The following DPY19L4 variants were observed in gnomAD, a reference collection of about 807,000 sequenced individuals.
DPY19L4 encodes probable C-mannosyltransferase DPY19L4.
A neutral mutation model predicts 102.8 loss-of-function variants in DPY19L4; 97 were observed. The ratio of observed to expected loss-of-function variants is 0.94; its 90% CI spans 0.80 to 1.12. The LOEUF is 1.12. DPY19L4 is among the 50% of genes most tolerant of loss of function. DPY19L4 has a pLI of 0.00. For missense variants in DPY19L4, 815 were observed against 850.4 expected (o/e 0.96, Z 0.52); for synonymous variants, 252 against 283.1 (o/e 0.89, Z 1.10).
chr8:94,719,906 G>T lies in DPY19L4; in HGVS notation c.-93G>T. ...AAGTGGGGGCGCGGCGGCCAGGAGC[G>T]GGCCCCCGGAGGCCGAGGGGTTCGG... is the stretch of plus-strand genomic sequence containing the variant. On this transcript the variant is annotated 5_prime_UTR_variant, in exon 1 of 19. Transcript: ENST00000414645. 6 of 1,391,164 alleles carry T rather than the reference G, an allele frequency of 4.3e-6. No individual in the cohort carries two copies. Among genetic ancestry groups the T allele is most frequent in the Non-Finnish European group, 4.7e-6 (5 of 1,064,120 alleles). The allele number at this position is 1,391,164 out of a possible 1,614,324, so 86.2% of individuals were successfully genotyped here.
At chr8:94,765,349 G>T in intron 9 of DPY19L4, 35 bp downstream of exon 9, 1 of 1,567,320 alleles carries the variant, frequency 6.4e-7, no homozygotes, top group South Asian at 1.2e-5. Flanking sequence ...TTCTTATTTT[G>T]ATTTTTTTTT....
At chr8:94,759,711 C>T (rs1464654201) in intron 7 of DPY19L4, among the ~76,000 whole-genome samples, 1 of 151,664 alleles carries the variant, frequency 6.6e-6, no homozygotes, top group African/African-American at 2.4e-5. Context: ...TCTCCATGGT[C>T]AGGCTGGTCT....
chr8:94,750,993 C>T (rs1241890977), intron 6 of DPY19L4, among the ~76,000 whole-genome samples: 1 of 151,892 alleles, frequency 6.6e-6, no homozygotes, highest in African/African-American at 2.4e-5. Context: ...GTTGGCCAGG[C>T]TGGTCTCAAA....
chr8:94,737,521 C>T (rs186310692), intron 3 of DPY19L4, among the ~76,000 whole-genome samples: 3 of 152,006 alleles, frequency 2.0e-5, no homozygotes, highest in African/African-American at 7.2e-5. Context: ...GGTGACTCAA[C>T]GCCTGTAATC....
intron 10 of DPY19L4, among the ~76,000 whole-genome samples, chr8:94,766,172 G>C (rs1212814271): frequency 1.3e-5 from 2 of 152,226 alleles, no homozygotes; most frequent in Non-Finnish European, 2.9e-5. Context: ...TCAGGAGTTT[G>C]AGGCCAGCTT....
chr8:94,768,644 A>T (rs1812785565), intron 12 of DPY19L4, 91 bp downstream of exon 12: 1 of 843,962 alleles, frequency 1.2e-6, no homozygotes, highest in African/African-American at 1.8e-5. Context: ...AGATTTCTGT[A>T]TTTGTTTTAG....
Position 94,781,152 on chromosome 8 carries a change from T to A in DPY19L4, c.1701T>A (p.Leu567=). The change falls in exon 16 of 19, where the codon CTT becomes CTA. Residue 567 remains leucine (L), a synonymous_variant. Coordinates refer to ENST00000414645, the MANE Select transcript of DPY19L4 (RefSeq NM_181787.3). ...QEFYDPDTVE[L]MTWIKRQAPV... ...TCTATGACCCAGATACAGTGGAACT[T>A]ATGACCTGGATAAAGTAAGGATTGA... is the stretch of plus-strand genomic sequence containing the variant. 1 of 1,597,366 alleles carries A rather than the reference T, an allele frequency of 6.3e-7. No individual in the cohort carries two copies. Among genetic ancestry groups the A allele is most frequent in the South Asian group, 1.2e-5 (1 of 85,594 alleles).
chr8:94,738,318 CAAAA>C (rs201512830), intron 3 of DPY19L4, 47 bp from the exon 4 acceptor site: 151 of 855,388 alleles, frequency 1.8e-4, no homozygotes, highest in East Asian at 4.2e-4. Flanking sequence ...GACTCTGTCT[CAAAA>C]AAAAAAAAAA....
At chr8:94,770,326 C>T in intron 12 of DPY19L4, 126 bp from the exon 13 acceptor site, 1 of 1,023,348 alleles carries the variant, frequency 9.8e-7, no homozygotes, top group East Asian at 2.8e-5. Context: ...TAAAAGATCA[C>T]CTATATTTTT....
intron 2 of DPY19L4, among the ~76,000 whole-genome samples, chr8:94,731,356 T>C (rs1241964820): frequency 6.6e-6 from 1 of 152,224 alleles, no homozygotes; most frequent in African/African-American, 2.4e-5. Flanking sequence ...AAATATTTGC[T>C]GAGCTCTTAA....
rs887605816 is a variant in DPY19L4 at position 94,774,583 on chromosome 8, T to C, written c.1455-3083T>C. On this transcript the variant is annotated intron_variant, in intron 13 of 18. Coordinates refer to ENST00000414645, the MANE Select transcript of DPY19L4 (RefSeq NM_181787.3). ...CATTTGACTTTCCACTTCTTTCTTT[T>C]TTTTTTTTTTTTGAGATGGAGTTTC... Among the ~76,000 whole-genome samples, 5 of 151,050 alleles carry C rather than the reference T, an allele frequency of 3.3e-5. No individual in the cohort carries two copies. The East Asian group carries it at 9.7e-4, about 29-fold the overall frequency.
At chr8:94,780,967 T>C in intron 15 of DPY19L4, 117 bp from the exon 16 acceptor site, 1 of 758,340 alleles carries the variant, frequency 1.3e-6, no homozygotes, top group Non-Finnish European at 2.1e-6. Flanking sequence ...GGTGTTGTAA[T>C]ATCATTTGCC....
intron 1 of DPY19L4, among the ~76,000 whole-genome samples, chr8:94,721,844 C>T (rs564473521): frequency 6.6e-5 from 10 of 152,352 alleles, no homozygotes; most frequent in African/African-American, 2.4e-4. Flanking sequence ...CATGATGGCT[C>T]ATGCCTGTAG....
At chr8:94,754,789 T>C (rs983780726) in intron 6 of DPY19L4, among the ~76,000 whole-genome samples, 1 of 152,136 alleles carries the variant, frequency 6.6e-6, no homozygotes, top group African/African-American at 2.4e-5. Flanking sequence ...CATTCCTATA[T>C]TTCTTTTTCA....
intron 1 of DPY19L4, among the ~76,000 whole-genome samples, chr8:94,723,422 G>A (rs555661496): frequency 4.6e-5 from 7 of 152,024 alleles, no homozygotes; most frequent in South Asian, 4.2e-4. Flanking sequence ...GTAGTGAGCC[G>A]GGATGGCACC....
At position 94,744,204 on chromosome 8, in the gene DPY19L4, T is replaced by C. The variant is rs77593494; in HGVS notation, c.611+4414T>C. 1,297 of 381,228 alleles carry C rather than the reference T, an allele frequency of 3.4e-3. 4 individuals carry two copies. Among genetic ancestry groups the C allele is most frequent in the Non-Finnish European group, 5.5e-3 (1,075 of 195,280 alleles). The allele number at this position is 381,228 out of a possible 1,614,324, so 23.6% of individuals were successfully genotyped here. A position where few individuals can be genotyped will look rare whatever the true frequency, so the allele number is the denominator to read the frequency against. ...AGGTTTCAGTTATGATGTTGGCTTG[T>C]ACTGTGTCGTCTGAAGGCCTGGCTG... is the stretch of plus-strand genomic sequence containing the variant. On this transcript the variant is annotated intron_variant, in intron 6 of 18. Coordinates refer to ENST00000414645, the MANE Select transcript of DPY19L4 (RefSeq NM_181787.3).
rs1554594603 is a variant in DPY19L4, at chr8:94,765,752, A to C, written c.1044A>C (p.Lys348Asn). The stretch of plus-strand genomic sequence containing the variant: ...GAAGTTTTGTAGCTAAAATAATAAA[A>C]GTGATTAATTTTTACTTGGTGTGTA... Reference protein sequence around the residue: ...KKGSFVAKIIKVINFYLVCTL... With the variant: ...KKGSFVAKIINVINFYLVCTL... Residue 348 changes from lysine (K) to asparagine (N), a missense_variant, in exon 10 of 19, where the codon AAA (lysine) becomes AAC (asparagine). Lys to Asn is a moderately conservative substitution (Grantham distance 94, BLOSUM62 0). Transcript: ENST00000414645. 1 of 1,603,650 alleles carries C rather than the reference A, an allele frequency of 6.2e-7. No homozygotes were observed. The highest frequency in any genetic ancestry group is 2.2e-5 in the East Asian group (1 of 44,704).
chr8:94,743,662 A>G lies in DPY19L4; in HGVS notation c.611+3872A>G, dbSNP rs76981458. On this transcript the variant is annotated intron_variant, in intron 6 of 18. Coordinates refer to ENST00000414645, the MANE Select transcript of DPY19L4 (RefSeq NM_181787.3). Reference sequence around the variant, plus strand: ...AAAATAAATGAATGAATGAAGTTGTATTTAATACAAATGATTATTGTATTA... The same window carrying G: ...AAAATAAATGAATGAATGAAGTTGTGTTTAATACAAATGATTATTGTATTA... 8.7e-4 allele frequency among the ~76,000 whole-genome samples: 132 copies of G among 151,736 alleles called. 2 individuals carry two copies. Among genetic ancestry groups the G allele is most frequent in the Non-Finnish European group, 1.4e-3 (95 of 67,884 alleles).
chr8:94,722,853 A>T (rs539170240), intron 1 of DPY19L4, among the ~76,000 whole-genome samples: 1 of 152,110 alleles, frequency 6.6e-6, no homozygotes, highest in Non-Finnish European at 1.5e-5. Context: ...GATCCTCTTC[A>T]TTGTCCAAGT....
Sources: gnomAD v4.1 joint callset for allele counts (sites outside exome capture counted in the v4.1 genomes callset) on GRCh38, gnomAD v4.1.1 for gene constraint, MANE v1.5 for transcripts, NCBI Gene and HGNC (gene_info 2026-07-23, HGNC 2026-07-21) for gene names.